The following UROS variants were observed in gnomAD, a reference collection of about 807,000 sequenced individuals.
UROS encodes the protein uroporphyrinogen-III synthase.
In UROS, 18 loss-of-function variants were observed where a neutral mutation model predicts 33.0. The observed-to-expected ratio is 0.55, with a 90% CI of 0.38 to 0.81. The LOEUF is 0.81. Among genes scored for constraint, UROS ranks in the 30% least tolerant of loss-of-function variants. The pLI is 0.00. For synonymous variants in UROS, 114 were observed against 121.1 expected, an observed-to-expected ratio of 0.94 and a Z score of 0.38; for missense variants, 293 against 314.9, an observed-to-expected ratio of 0.93 and a Z score of 0.53.
intron 6 of UROS, among the ~76,000 whole-genome samples, chr10:125,803,984 G>C (rs1852087623): frequency 6.6e-6 from 1 of 152,230 alleles, no homozygotes; most frequent in South Asian, 2.1e-4. Context: ...GATACAAGAG[G>C]AAATATTTCG....
intron 7 of UROS, 60 bp from the exon 8 acceptor site, chr10:125,796,248 C>G: frequency 6.6e-7 from 1 of 1,522,592 alleles, no homozygotes. Flanking sequence ...GGGGCCTCCA[C>G]CACTTCACAG....
intron 6 of UROS, chr10:125,802,657 C>A: frequency 8.3e-7 from 1 of 1,205,496 alleles, no homozygotes; most frequent in Non-Finnish European, 1.0e-6. Context: ...GTCTCCTGAA[C>A]TGTATGTTTT....
intron 5 of UROS, among the ~76,000 whole-genome samples, chr10:125,808,094 A>T (rs1318083936): frequency 1.3e-5 from 2 of 152,214 alleles, no homozygotes. Context: ...CTTTTGTGAG[A>T]TCCCTATTCA....
chr10:125,802,627 A>G (rs756713523), intron 6 of UROS: 42 of 1,074,666 alleles, frequency 3.9e-5, no homozygotes, highest in Non-Finnish European at 4.5e-5. Context: ...AATGGTGAAC[A>G]CTTTCTACCA....
intron 9 of UROS, 113 bp downstream of exon 9, chr10:125,794,767 C>T (rs1249443231): frequency 9.8e-7 from 1 of 1,017,000 alleles, no homozygotes; most frequent in Non-Finnish European, 1.4e-6. Flanking sequence ...AATTCTAAGG[C>T]ACCTGCTAGG....
downstream of UROS, among the ~76,000 whole-genome samples, chr10:125,787,984 T>C (rs945029927): frequency 6.6e-6 from 1 of 152,182 alleles, no homozygotes; most frequent in South Asian, 2.1e-4. Flanking sequence ...CCAGAGTCTG[T>C]TTCCTCACCA....
intron 8 of UROS, chr10:125,795,350 C>T: frequency 3.2e-6 from 1 of 308,128 alleles, no homozygotes; most frequent in South Asian, 3.4e-5. Flanking sequence ...GTCAATGCTC[C>T]CTCCCTCTGG....
chr10:125,803,758 C>T (rs1399030577), intron 6 of UROS, among the ~76,000 whole-genome samples: 2 of 152,208 alleles, frequency 1.3e-5, no homozygotes, highest in African/African-American at 4.8e-5. Context: ...TCAGTGCTCC[C>T]CAGCTTGCCA....
chr10:125,796,251 C>T lies in UROS; in HGVS notation c.476-63G>A. The T allele has an allele frequency of 2.0e-6, 3 of 1,505,672 alleles. No individual in the cohort carries two copies. The South Asian group carries it at 3.4e-5, about 17-fold the overall frequency. 93.3% of individuals were successfully genotyped at this position (1,505,672 alleles called of 1,614,324 possible). A position where few individuals can be genotyped will look rare whatever the true frequency, so the allele number is the denominator to read the frequency against. On this transcript the variant is annotated intron_variant, in intron 7 of 9. Transcript: ENST00000368797. The stretch of plus-strand genomic sequence containing the variant: ...TGGGCACACAATGGGGCCTCCACCA[C>T]TTCACAGCACAGTTGGTGAAACCTC...
intron 1 of UROS, among the ~76,000 whole-genome samples, 200 bp downstream of exon 1, chr10:125,822,829 G>A (rs1455242059): frequency 6.6e-6 from 1 of 152,200 alleles, no homozygotes; most frequent in African/African-American, 2.4e-5. Context: ...CGCTCCAGAA[G>A]CTCGGCGAGG....
chr10:125,806,457 A>C (rs1007048802), intron 6 of UROS, among the ~76,000 whole-genome samples: 4 of 152,186 alleles, frequency 2.6e-5, no homozygotes, highest in African/African-American at 9.6e-5. Flanking sequence ...CAGACACTCA[A>C]GCAATTTTAG....
At chr10:125,797,388 G>A (rs2133840289) in intron 7 of UROS, among the ~76,000 whole-genome samples, 1 of 152,294 alleles carries the variant, frequency 6.6e-6, no homozygotes, top group South Asian at 2.1e-4. Context: ...GGATACTGAT[G>A]CACAGAGAGA....
intron 5 of UROS, among the ~76,000 whole-genome samples, chr10:125,810,165 T>C (rs1024409136): frequency 6.6e-6 from 1 of 152,342 alleles, no homozygotes; most frequent in East Asian, 1.9e-4. Flanking sequence ...CTGTGATCCA[T>C]GCCCCTGTGT....
At chr10:125,790,277 C>G (rs538513804) in intron 9 of UROS, among the ~76,000 whole-genome samples, 1 of 152,230 alleles carries the variant, frequency 6.6e-6, no homozygotes, top group East Asian at 1.9e-4. Context: ...AAAATCAATT[C>G]AAAACAGATC....
At chr10:125,820,186 G>A (rs945181350) in intron 1 of UROS, among the ~76,000 whole-genome samples, 3 of 152,178 alleles carry the variant, frequency 2.0e-5, no homozygotes, top group Non-Finnish European at 2.9e-5. Flanking sequence ...AAAGGGATTT[G>A]TTATAAGGTA....
chr10:125,818,707 C>G (rs1229746481), intron 1 of UROS, among the ~76,000 whole-genome samples: 1 of 152,072 alleles, frequency 6.6e-6, no homozygotes, highest in Non-Finnish European at 1.5e-5. Flanking sequence ...GGGTTCTGGT[C>G]TAGGCTGCTC....
Position 125,822,256 on chromosome 10 carries a change from C to T in UROS, c.-27+773G>A, listed in dbSNP as rs189780825. ...TCGCTCTGCAGTTGGCCGCAGTCCCCTCCACTCTTCTCTCCAAATAGGCTC... is the reference window on the plus strand; with the variant it reads ...TCGCTCTGCAGTTGGCCGCAGTCCCTTCCACTCTTCTCTCCAAATAGGCTC... On this transcript the variant is annotated intron_variant, in intron 1 of 9. Coordinates refer to ENST00000368797, the MANE Select transcript of UROS (RefSeq NM_000375.3). Among the ~76,000 whole-genome samples, 342 of 152,316 alleles carry T rather than the reference C, an allele frequency of 2.2e-3. 1 individual carries two copies. Among genetic ancestry groups the T allele is most frequent in the African/African-American group, 7.7e-3 (319 of 41,558 alleles).
intron 6 of UROS, among the ~76,000 whole-genome samples, chr10:125,803,807 C>T (rs1852062102): frequency 6.6e-6 from 1 of 152,238 alleles, no homozygotes; most frequent in Admixed American, 6.5e-5. Context: ...CAGGAAAACC[C>T]TCTCCTTCCA....
rs1450773351 is a variant in UROS, at chr10:125,816,212, A to G, written c.112T>C (p.Phe38Leu). ...LEATLIPVLS[F>L]EFLSLPSFSE... ...AAACTGGGAAGAGACAAAAACTCAA[A>G]CGATAAAACAGGGATCAAAGTGGCT... is the stretch of plus-strand genomic sequence containing the variant. The change falls in exon 3 of 10, where the codon TTT (phenylalanine) becomes CTT (leucine). Residue 38 changes from phenylalanine (F) to leucine (L), a missense_variant. Physicochemically the swap from Phe to Leu is conservative, Grantham distance 22. Transcript: ENST00000368797. 1 of 1,614,146 alleles carries G rather than the reference A, an allele frequency of 6.2e-7. No individual in the cohort carries two copies. Among genetic ancestry groups the G allele is most frequent in the African/African-American group, 1.3e-5 (1 of 75,032 alleles).
Sources: gnomAD v4.1 joint callset for allele counts (sites outside exome capture counted in the v4.1 genomes callset) on GRCh38, gnomAD v4.1.1 for gene constraint, MANE v1.5 for transcripts, NCBI Gene and HGNC (gene_info 2026-07-23, HGNC 2026-07-21) for gene names.